Variants in LPIN1 observed in about 807,000 individuals in gnomAD.
LPIN1 encodes phosphatidate phosphatase LPIN1.
A neutral mutation model predicts 107.5 loss-of-function variants in LPIN1; 71 were observed. That is an observed-to-expected ratio of 0.66 (90% CI 0.55 to 0.80). The LOEUF is 0.80. LPIN1 is among the 30% of genes least tolerant of loss of function. The pLI is 0.00. For synonymous variants in LPIN1, 445 were observed against 452.6 expected (o/e 0.98, Z 0.21); for missense variants, 1,043 against 1,160.6 (o/e 0.90, Z 1.47).
intron 1 of LPIN1, among the ~76,000 whole-genome samples, chr2:11,691,870 C>G (rs149076919): frequency 2.6e-4 from 39 of 152,352 alleles, no homozygotes; most frequent in African/African-American, 9.4e-4. Context: ...TATTACCCAA[C>G]CCAGGTTATC....
At position 11,825,992 on chromosome 2, in the gene LPIN1, G is replaced by A. The variant is rs890054692; in HGVS notation, c.*1201G>A. The A allele has an allele frequency of 6.6e-5, 10 of 152,280 alleles. No individual in the cohort carries two copies. Among genetic ancestry groups the A allele is most frequent in the Admixed American group, 2.6e-4 (4 of 15,280 alleles). The allele number at this position is 152,280 out of a possible 1,614,324, so 9.4% of individuals were successfully genotyped here. On this transcript the variant is annotated 3_prime_UTR_variant, in exon 21 of 21. Coordinates refer to ENST00000674199, the MANE Select transcript of LPIN1 (RefSeq NM_001349206.2). This position sits in a 1 kb window ranked among gnomAD's most constrained non-coding sequence, Gnocchi z 4.1. ...TTTTCCACTCAAATTAAGGGCAAGC[G>A]AAAAAGTAATAATTTGGCATTCTTT...
intron 7 of LPIN1, among the ~76,000 whole-genome samples, chr2:11,780,060 T>A (rs1459777109): frequency 2.0e-5 from 3 of 152,140 alleles, no homozygotes; most frequent in Non-Finnish European, 4.4e-5. Flanking sequence ...TTTGTATTTT[T>A]AGTAGAGACG....
chr2:11,684,609 C>T (rs1028438229), intron 1 of LPIN1, among the ~76,000 whole-genome samples: 2 of 152,170 alleles, frequency 1.3e-5, no homozygotes, highest in Non-Finnish European at 2.9e-5. Context: ...TAGATATGTT[C>T]ATGTGACTTG....
intron 1 of LPIN1, among the ~76,000 whole-genome samples, chr2:11,710,806 A>C (rs866826015): frequency 6.6e-6 from 1 of 152,256 alleles, no homozygotes; most frequent in Non-Finnish European, 1.5e-5. Flanking sequence ...CAACTGCTTG[A>C]TGCCAGAATC....
intron 1 of LPIN1, chr2:11,677,867 G>A (rs1356391343): frequency 8.4e-6 from 6 of 711,172 alleles, no homozygotes; most frequent in Admixed American, 2.3e-5. Flanking sequence ...GTGCATTCAC[G>A]CTTCCCCAGA....
At position 11,791,919 on chromosome 2, in the gene LPIN1, T is replaced by C; in HGVS notation, c.1719T>C (p.Thr573=). The change falls in exon 13 of 21, where the codon ACT becomes ACC. Residue 573 remains threonine (T), a synonymous_variant. Coordinates refer to ENST00000674199, the MANE Select transcript of LPIN1 (RefSeq NM_001349206.2). Reference sequence around the variant, plus strand: ...TTACCATCCATTTAAAACAGGCCACTGTGGAATCTATCATGAGGGATAAAA... The same window carrying C: ...TTACCATCCATTTAAAACAGGCCACCGTGGAATCTATCATGAGGGATAAAA... ...QAFQKPLPKA[T]VESIMRDKMP... 6.2e-7 allele frequency: 1 copy of C among 1,613,832 alleles called. No individual in the cohort carries two copies. Among genetic ancestry groups the C allele is most frequent in the South Asian group, 1.1e-5 (1 of 91,058 alleles).
At chr2:11,701,689 G>GA (rs1209574835) in intron 1 of LPIN1, among the ~76,000 whole-genome samples, 3 of 152,146 alleles carry the variant, frequency 2.0e-5, no homozygotes, top group Non-Finnish European at 4.4e-5. Context: ...CTCCATTCAT[G>GA]AAAAATGTGA....
chr2:11,728,629 G>A (rs1320732292), intron 1 of LPIN1, among the ~76,000 whole-genome samples: 1 of 152,098 alleles, frequency 6.6e-6, no homozygotes, highest in Non-Finnish European at 1.5e-5. Flanking sequence ...CAAGCCGTCT[G>A]CCTCCCAAAG....
chr2:11,819,643 T>G, intron 19 of LPIN1, 45 bp downstream of exon 19: 1 of 1,357,556 alleles, frequency 7.4e-7, no homozygotes, highest in South Asian at 1.2e-5. Context: ...AATGACTGCC[T>G]TTTCTGGTTG....
chr2:11,763,964 AGTGTGT>A (rs143711712), intron 1 of LPIN1, among the ~76,000 whole-genome samples: 1 of 134,044 alleles, frequency 7.5e-6, no homozygotes, highest in Non-Finnish European at 1.6e-5. Context: ...CATATATTTT[AGTGTGT>A]GTGTGTGTGT....
At chr2:11,818,939 CT>C (rs1681054584) in intron 18 of LPIN1, 2 of 152,232 alleles carry the variant, frequency 1.3e-5, no homozygotes, top group Non-Finnish European at 2.9e-5. Context: ...ATGTTTTTCT[CT>C]TTTAACCTGA....
At chr2:11,808,212 G>A (rs1679046344) in intron 17 of LPIN1, among the ~76,000 whole-genome samples, 1 of 152,158 alleles carries the variant, frequency 6.6e-6, no homozygotes, top group Admixed American at 6.5e-5. Flanking sequence ...TGGCTTGTTG[G>A]CCTCGGTCCC....
At chr2:11,743,369 C>T (rs1019856375), upstream of LPIN1, among the ~76,000 whole-genome samples, 5 of 152,182 alleles carry the variant, frequency 3.3e-5, no homozygotes, top group African/African-American at 7.2e-5. The surrounding 1 kb of genome is among the most constrained non-coding windows in gnomAD (Gnocchi z 4.7). Context: ...CCTCTCCCTG[C>T]GGAACCCAGA....
chr2:11,692,288 GCACATACTT>G (rs1406701756), intron 1 of LPIN1, among the ~76,000 whole-genome samples: 4 of 143,772 alleles, frequency 2.8e-5, no homozygotes, highest in African/African-American at 1.2e-4. Flanking sequence ...TCTTGCCTTG[GCACATACTT>G]GGCACATACT....
At chr2:11,763,983 GTGTGTATATATA>G (rs1426626068) in intron 1 of LPIN1, among the ~76,000 whole-genome samples, 1 of 146,316 alleles carries the variant, frequency 6.8e-6, no homozygotes, top group African/African-American at 2.6e-5. Context: ...GTGTGTGTGT[GTGTGTATATATA>G]TATATATATA....
chr2:11,693,788 G>GTGTATA (rs1375045563), intron 1 of LPIN1, among the ~76,000 whole-genome samples: 51 of 40,982 alleles, frequency 1.2e-3, no homozygotes, highest in Non-Finnish European at 1.4e-3. Context: ...GTGTGAGTGT[G>GTGTATA]TATATATATA....
rs1219054361 is a variant in LPIN1 at position 11,787,392 on chromosome 2, C to CTTTTTTTTTTTTTTTTTTTT, written c.1643+230_1643+231insTTTTTTTTTTTTTTTTTTTT. 7.0e-5 allele frequency among the ~76,000 whole-genome samples: 8 copies of CTTTTTTTTTTTTTTTTTTTT among 113,690 alleles called. 1 individual carries two copies. Among genetic ancestry groups the CTTTTTTTTTTTTTTTTTTTT allele is most frequent in the African/African-American group, 2.3e-4 (6 of 26,114 alleles). 74.6% of individuals were successfully genotyped at this position (113,690 alleles called of 152,430 possible). ...AGTCTTGTGAGTTTTCTTTTCTTTT[C>CTTTTTTTTTTTTTTTTTTTT]TTTTTCTTTTTTTTTTTTTTTTTTT... On this transcript the variant is annotated intron_variant, in intron 11 of 20. Coordinates refer to ENST00000674199, the MANE Select transcript of LPIN1 (RefSeq NM_001349206.2).
intron 1 of LPIN1, among the ~76,000 whole-genome samples, chr2:11,758,584 C>T (rs1669033467): frequency 6.6e-6 from 1 of 152,132 alleles, no homozygotes; most frequent in South Asian, 2.1e-4. Context: ...CCAGGTGGAG[C>T]CCATGACCCT....
chr2:11,806,320 A>C (rs1279192642), intron 17 of LPIN1, among the ~76,000 whole-genome samples: 1 of 152,196 alleles, frequency 6.6e-6, no homozygotes, highest in Non-Finnish European at 1.5e-5. Context: ...AGTGCCTGTT[A>C]GTGCCTCATC....
Sources: gnomAD v4.1 joint callset for allele counts (sites outside exome capture counted in the v4.1 genomes callset) on GRCh38, gnomAD v4.1.1 for gene constraint, Gnocchi (gnomAD v3.1) non-coding constraint, MANE v1.5 for transcripts, NCBI Gene and HGNC (gene_info 2026-07-23, HGNC 2026-07-21) for gene names.